The following SHISA6 variants were observed in gnomAD, a reference collection of about 807,000 sequenced individuals.
SHISA6 encodes the protein shisa family member 6, also known as protein shisa-6.
SHISA6 carries 22 observed loss-of-function variants against 47.9 expected under a neutral mutation model. That is an observed-to-expected ratio of 0.46 (90% CI 0.33 to 0.66). SHISA6 has a LOEUF of 0.66. SHISA6 is among the 30% of genes least tolerant of loss of function. The probability of loss-of-function intolerance (pLI) is 0.02; values close to 1 mark genes in which losing one functional copy is unlikely to be tolerated. For synonymous variants in SHISA6, 388 were observed against 337.8 expected, an observed-to-expected ratio of 1.15 and a Z score of -1.63; for missense variants, 680 against 764.6, an observed-to-expected ratio of 0.89 and a Z score of 1.30.
In SHISA6 at chr17:11,558,576, AC is replaced by A. The variant is rs140443293; in HGVS notation, c.*277del. On this transcript the variant is annotated 3_prime_UTR_variant, in exon 6 of 6. Coordinates refer to ENST00000441885, the MANE Select transcript of SHISA6 (RefSeq NM_207386.4). Reference sequence around the variant, plus strand: ...GAGGAGGGGGCTAGGCCCCATTCTCACCCCCGACCACCTTCACCAACTCCCT... The same window carrying A: ...GAGGAGGGGGCTAGGCCCCATTCTCACCCCGACCACCTTCACCAACTCCCT... 0.064 allele frequency: 30,284 copies of A among 473,346 alleles called. 1,234 individuals are homozygous for A. The highest frequency in any genetic ancestry group is 0.1 in the Middle Eastern group (183 of 1,756). 29.3% of individuals were successfully genotyped at this position (473,346 alleles called of 1,614,324 possible). A position where few individuals can be genotyped will look rare whatever the true frequency, so the allele number is the denominator to read the frequency against.
At chr17:11,402,128 G>C (rs751855506) in intron 3 of SHISA6, among the ~76,000 whole-genome samples, 3 of 152,100 alleles carry the variant, frequency 2.0e-5, no homozygotes, top group Non-Finnish European at 4.4e-5. Flanking sequence ...CTCTGAAGGG[G>C]CTTCCTTGTC....
intron 3 of SHISA6, among the ~76,000 whole-genome samples, chr17:11,426,720 A>G (rs529435413): frequency 1.3e-5 from 2 of 152,356 alleles, no homozygotes; most frequent in South Asian, 4.1e-4. Context: ...TACATGATCA[A>G]TGAGCAACAA....
rs77618820 is a variant in SHISA6, at chr17:11,447,323, C to G, written c.895+67814C>G. ...AGAAATTCAGGGCTGGACTAATTCA[C>G]CCAATGTGAGGCTATTGTCGAGTTC... On this transcript the variant is annotated intron_variant, in intron 3 of 5. Coordinates refer to ENST00000441885, the MANE Select transcript of SHISA6 (RefSeq NM_207386.4). 5.3e-3 allele frequency among the ~76,000 whole-genome samples: 814 copies of G among 152,190 alleles called. 14 individuals are homozygous for G. Among genetic ancestry groups the G allele is most frequent in the African/African-American group, 0.018 (764 of 41,540 alleles).
intron 2 of SHISA6, among the ~76,000 whole-genome samples, chr17:11,292,413 A>C (rs1567562963): frequency 6.6e-6 from 1 of 152,262 alleles, no homozygotes. Context: ...CCATGTAACA[A>C]ATCTGCACAT....
At chr17:11,341,134 C>A (rs1911512672) in intron 2 of SHISA6, among the ~76,000 whole-genome samples, 3 of 152,160 alleles carry the variant, frequency 2.0e-5, no homozygotes, top group Admixed American at 2.0e-4. Flanking sequence ...ATATTGGTTA[C>A]AGGGATGGGA....
intron 2 of SHISA6, among the ~76,000 whole-genome samples, chr17:11,344,736 G>A (rs1911640974): frequency 6.6e-6 from 1 of 152,090 alleles, no homozygotes; most frequent in African/African-American, 2.4e-5. Flanking sequence ...TCAAATCAGG[G>A]TAATTAGCAT....
chr17:11,443,607 A>G (rs3095678), intron 3 of SHISA6, among the ~76,000 whole-genome samples: 3,289 of 152,320 alleles, frequency 0.022, 95 homozygotes, highest in African/African-American at 0.068. Context: ...AAAACTAGAC[A>G]TAATAATAGC....
chr17:11,354,208 T>C (rs1787935757), intron 2 of SHISA6, among the ~76,000 whole-genome samples: 1 of 152,180 alleles, frequency 6.6e-6, no homozygotes, highest in Non-Finnish European at 1.5e-5. Flanking sequence ...CAAATGTTGA[T>C]GTGCACAGGA....
At chr17:11,265,411 G>A (rs535709681) in intron 2 of SHISA6, among the ~76,000 whole-genome samples, 1 of 152,336 alleles carries the variant, frequency 6.6e-6, no homozygotes, top group East Asian at 1.9e-4. Flanking sequence ...AATTGATGTG[G>A]AAGTGTGGCC....
At position 11,463,307 on chromosome 17, in the gene SHISA6, A is replaced by C. The variant is rs138480661; in HGVS notation, c.895+83798A>C. Reference sequence around the variant, plus strand: ...TTTGGCATATAGCCAGCGCTCAATAAATAATAGCTATTACTATTCTTCACT... The same window carrying C: ...TTTGGCATATAGCCAGCGCTCAATACATAATAGCTATTACTATTCTTCACT... On this transcript the variant is annotated intron_variant, in intron 3 of 5. Coordinates refer to ENST00000441885, the MANE Select transcript of SHISA6 (RefSeq NM_207386.4). 2.9e-3 allele frequency among the ~76,000 whole-genome samples: 445 copies of C among 152,346 alleles called. 1 individual carries two copies. Among genetic ancestry groups the C allele is most frequent in the African/African-American group, 0.01 (429 of 41,592 alleles).
chr17:11,410,970 A>G (rs1358285474), intron 3 of SHISA6, among the ~76,000 whole-genome samples: 1 of 151,840 alleles, frequency 6.6e-6, no homozygotes, highest in African/African-American at 2.4e-5. Flanking sequence ...TTATTTTTTT[A>G]TTATTTTTAT....
chr17:11,314,046 A>G lies in SHISA6; in HGVS notation c.799+50520A>G, dbSNP rs1910424341. 2.0e-5 allele frequency among the ~76,000 whole-genome samples: 3 copies of G among 152,342 alleles called. No homozygotes were observed. The South Asian group carries it at 6.2e-4, about 32-fold the overall frequency. The stretch of plus-strand genomic sequence containing the variant: ...CTGTGATCATCCCAGTGAACAGCTC[A>G]GAGAGTCCCATTCAAACTGAACTCT... On this transcript the variant is annotated intron_variant, in intron 2 of 5. Transcript: ENST00000441885.
At chr17:11,330,202 G>T (rs1008782108) in intron 2 of SHISA6, among the ~76,000 whole-genome samples, 1 of 152,090 alleles carries the variant, frequency 6.6e-6, no homozygotes, top group Admixed American at 6.5e-5. Context: ...CAGTGGGATG[G>T]AGTACTCTGA....
At chr17:11,242,136 ACT>A in intron 1 of SHISA6, 76 bp downstream of exon 1, 3 of 1,528,640 alleles carry the variant, frequency 2.0e-6, no homozygotes, top group South Asian at 1.2e-5. Flanking sequence ...TGTCCTCTTC[ACT>A]CTCGGCATCA....
intron 3 of SHISA6, among the ~76,000 whole-genome samples, chr17:11,525,363 G>A (rs372027212): frequency 6.6e-6 from 1 of 152,216 alleles, no homozygotes; most frequent in South Asian, 2.1e-4. Context: ...GGCCAGGCTT[G>A]GTGGCTCACG....
chr17:11,350,182 A>ATTTATTTTT (rs964679787), intron 2 of SHISA6, among the ~76,000 whole-genome samples: 3 of 116,240 alleles, frequency 2.6e-5, no homozygotes, highest in African/African-American at 1.0e-4. Context: ...TTATTTATTT[A>ATTTATTTTT]TTTTTTTTTT....
chr17:11,291,768 C>T (rs903911960), intron 2 of SHISA6, among the ~76,000 whole-genome samples: 2 of 152,040 alleles, frequency 1.3e-5, no homozygotes, highest in South Asian at 4.2e-4. Flanking sequence ...TGTAGGTGGC[C>T]GCCTTCTCCC....
At chr17:11,375,617 C>T (rs1032460432) in intron 2 of SHISA6, among the ~76,000 whole-genome samples, 8 of 152,156 alleles carry the variant, frequency 5.3e-5, no homozygotes, top group African/African-American at 1.9e-4. Flanking sequence ...GCTTTCTTAT[C>T]AGAGTCAGCC....
rs1266931203 is a variant in SHISA6 at position 11,241,952 on chromosome 17, C to A, written c.530C>A (p.Thr177Asn). The A allele has an allele frequency of 6.4e-7, 1 of 1,551,036 alleles. No homozygotes were observed. Among genetic ancestry groups the A allele is most frequent in the South Asian group, 1.2e-5 (1 of 84,066 alleles). The change falls in exon 1 of 6, where the codon ACC becomes AAC. Residue 177 changes from threonine to asparagine, a missense_variant. Thr to Asn is a moderately conservative substitution (Grantham distance 65). Around this residue, in one of 2 missense-constraint regions of SHISA6, gnomAD observed 559 missense variants for 674.1 expected, o/e 0.83. Coordinates refer to ENST00000441885, the MANE Select transcript of SHISA6 (RefSeq NM_207386.4). The surrounding 1 kb of genome is among the most constrained non-coding windows in gnomAD (Gnocchi z 5.5). Reference protein sequence around the residue: ...YDPEKDKTNFTVYITCGVIAF... With the variant: ...YDPEKDKTNFNVYITCGVIAF... ...CCGGAGAAGGACAAGACCAACTTCA[C>A]CGTCTACATCACCTGCGGGGTGATC...
Sources: allele counts gnomAD v4.1 joint callset (sites outside exome capture counted in the v4.1 genomes callset), GRCh38; gene constraint gnomAD v4.1.1; regional missense constraint gnomAD v4.1.1; non-coding constraint Gnocchi (gnomAD v3.1); transcripts MANE v1.5; gene names NCBI Gene and HGNC (gene_info 2026-07-23, HGNC 2026-07-21).